Variants in CYLD observed in about 807,000 individuals in gnomAD.
CYLD encodes ubiquitin carboxyl-terminal hydrolase CYLD.
A neutral mutation model predicts 104.5 loss-of-function variants in CYLD; 26 were observed. The ratio of observed to expected loss-of-function variants is 0.25; its 90% CI spans 0.18 to 0.35. The LOEUF (loss-of-function observed/expected upper bound fraction) is 0.35. Ranked by LOEUF, CYLD falls within the 10% of genes least tolerant of loss-of-function variation. The pLI is 1.00. For missense variants in CYLD, 703 were observed against 1,136.1 expected (o/e 0.62, Z 5.48); for synonymous variants, 385 against 399.9 (o/e 0.96, Z 0.45).
chr16:50,781,872 T>C (rs1244523901), intron 10 of CYLD, among the ~76,000 whole-genome samples: 1 of 152,222 alleles, frequency 6.6e-6, no homozygotes, highest in Non-Finnish European at 1.5e-5. Context: ...GGCAGTTTCC[T>C]GGTGCTGTTC....
intron 5 of CYLD, among the ~76,000 whole-genome samples, chr16:50,769,668 A>G (rs1373198108): frequency 6.6e-6 from 1 of 152,198 alleles, no homozygotes; most frequent in African/African-American, 2.4e-5. Flanking sequence ...CAGCGGTAAC[A>G]TTAACATGTT....
intron 12 of CYLD, chr16:50,785,153 A>G (rs1007717097): frequency 6.6e-6 from 1 of 152,216 alleles, no homozygotes; most frequent in Non-Finnish European, 1.5e-5. Flanking sequence ...AATTTAAACT[A>G]TGAAGAATTA....
intron 11 of CYLD, 98 bp downstream of exon 11, chr16:50,782,564 A>G (rs1217731320): frequency 7.7e-7 from 1 of 1,291,216 alleles, no homozygotes; most frequent in Non-Finnish European, 1.1e-6. Context: ...GTGTGAAAGA[A>G]ACTGCCATCT....
At chr16:50,789,325 T>G (rs895222683) in intron 14 of CYLD, among the ~76,000 whole-genome samples, 3 of 152,222 alleles carry the variant, frequency 2.0e-5, no homozygotes, top group Non-Finnish European at 4.4e-5. Context: ...AATTTGGTTT[T>G]TCATTTTAAA....
chr16:50,751,055 T>C lies in CYLD; in HGVS notation c.505-549T>C, dbSNP rs142612944. On this transcript the variant is annotated intron_variant, in intron 3 of 18. Transcript: ENST00000427738. ...ATTGCATGTCTTCTTTGCTTCTTGA[T>C]TTAATTTTTTTTAAAAGCAGTGATT... 3.8e-3 allele frequency among the ~76,000 whole-genome samples: 586 copies of C among 152,330 alleles called. 1 individual carries two copies. The highest frequency in any genetic ancestry group is 5.7e-3 in the Non-Finnish European group (388 of 68,016).
chr16:50,793,990 C>A (rs938738458), intron 17 of CYLD, among the ~76,000 whole-genome samples: 30 of 149,052 alleles, frequency 2.0e-4, no homozygotes, highest in African/African-American at 7.5e-4. Context: ...TGCAGTGGCA[C>A]GATCTCGGCC....
In CYLD at chr16:50,797,465, C is replaced by G; in HGVS notation, c.*957C>G. The G allele has an allele frequency of 4.3e-6, 1 of 232,410 alleles. No individual in the cohort carries two copies. Among genetic ancestry groups the G allele is most frequent in the Non-Finnish European group, 8.5e-6 (1 of 117,468 alleles). 14.4% of individuals were successfully genotyped at this position (232,410 alleles called of 1,614,324 possible). On this transcript the variant is annotated 3_prime_UTR_variant, in exon 19 of 19. Coordinates refer to ENST00000427738, the MANE Select transcript of CYLD (RefSeq NM_001378743.1). The stretch of plus-strand genomic sequence containing the variant: ...TAAGTTTGATCTGTCAGCCAGTACT[C>G]CCATTAAATTCAGTGTAGTTTCACT...
chr16:50,751,946 ATTAGTT>A, intron 4 of CYLD, 40 bp downstream of exon 4: 2 of 911,942 alleles, frequency 2.2e-6, no homozygotes, highest in South Asian at 1.8e-5. Flanking sequence ...TGATATATAT[ATTAGTT>A]TATATATATA....
At chr16:50,786,309 T>A (rs1359081263) in intron 12 of CYLD, 1 of 152,278 alleles carries the variant, frequency 6.6e-6, no homozygotes, top group Non-Finnish European at 1.5e-5. Flanking sequence ...AAATTTTTTA[T>A]CTTAGTGTAT....
At position 50,786,761 on chromosome 16, in the gene CYLD, C is replaced by CA. The variant is rs369024987; in HGVS notation, c.1950-82dup. The CA allele has an allele frequency of 0.079, 56,768 of 721,998 alleles. 1,299 individuals are homozygous for CA. The highest frequency in any genetic ancestry group is 0.3 in the African/African-American group (13,838 of 46,418). The allele number at this position is 721,998 out of a possible 1,614,324, so 44.7% of individuals were successfully genotyped here. ...TGAGTGATAGAGTGAGACTCTATCT[C>CA]AAAAAAAAAAAAGAAAAAAAGAAAT... is the stretch of plus-strand genomic sequence containing the variant. On this transcript the variant is annotated intron_variant, in intron 12 of 18. Transcript: ENST00000427738.
rs371330250 is a variant in CYLD at position 50,793,629 on chromosome 16, A to G, written c.2434A>G (p.Lys812Glu). 8 of 1,614,020 alleles carry G rather than the reference A, an allele frequency of 5.0e-6. No homozygotes were observed. In the African/African-American group the frequency reaches 9.3e-5, roughly 19 times the overall value. Residue 812 changes from lysine (K) to glutamate (E), a missense_variant, in exon 17 of 19, where the codon AAA becomes GAA. Around this residue, in one of 5 missense-constraint regions of CYLD, gnomAD observed 130 missense variants for 220.2 expected, o/e 0.59. Transcript: ENST00000427738. ...CGACGATCCGGACATCTCAGCTGGA[A>G]AAATCAAGCAGTTTTGTAAAACCTG... ...CYDDPDISAG[K>E]IKQFCKTCNT...
At chr16:50,786,121 T>G (rs754006139) in intron 12 of CYLD, 18 of 152,256 alleles carry the variant, frequency 1.2e-4, no homozygotes, top group Non-Finnish European at 2.5e-4. Flanking sequence ...TTGGTTTGAT[T>G]GCAGATTTTA....
intron 5 of CYLD, among the ~76,000 whole-genome samples, chr16:50,758,716 C>T (rs1018604931): frequency 1.3e-5 from 2 of 151,954 alleles, no homozygotes; most frequent in South Asian, 4.2e-4. Flanking sequence ...AGGATGATTC[C>T]AAGGTTTGGA....
At chr16:50,773,733 T>C (rs1026145954) in intron 5 of CYLD, among the ~76,000 whole-genome samples, 7 of 152,184 alleles carry the variant, frequency 4.6e-5, no homozygotes, top group African/African-American at 1.7e-4. Flanking sequence ...AAGCTTTGCT[T>C]CATGACCCAA....
At chr16:50,766,261 T>G (rs1480847929) in intron 5 of CYLD, among the ~76,000 whole-genome samples, 1 of 152,228 alleles carries the variant, frequency 6.6e-6, no homozygotes, top group Non-Finnish European at 1.5e-5. Context: ...ACTCTGCCTG[T>G]GCTCTATAAA....
intron 5 of CYLD, among the ~76,000 whole-genome samples, chr16:50,755,162 CGTGTACATAT>C (rs1967043917): frequency 2.0e-5 from 1 of 48,954 alleles, no homozygotes; most frequent in African/African-American, 1.2e-4. Context: ...TATATACACA[CGTGTACATAT>C]GTGTGTGTAT....
intron 14 of CYLD, among the ~76,000 whole-genome samples, chr16:50,790,990 T>G (rs1469957715): frequency 6.6e-6 from 1 of 152,178 alleles, no homozygotes; most frequent in Non-Finnish European, 1.5e-5. Context: ...TGAGTGACTA[T>G]CAGACAGCAT....
chr16:50,774,570 CTG>C (rs1216720146), intron 5 of CYLD, among the ~76,000 whole-genome samples: 6 of 152,310 alleles, frequency 3.9e-5, no homozygotes, highest in Admixed American at 3.9e-4. Flanking sequence ...AATGTAAGCA[CTG>C]TGATACTGCA....
intron 13 of CYLD, 129 bp from the exon 14 acceptor site, chr16:50,787,657 G>T: frequency 1.7e-6 from 1 of 591,224 alleles, no homozygotes; most frequent in Non-Finnish European, 3.0e-6. Flanking sequence ...TGAAAACTGT[G>T]CTTTTAATTG....
Sources: gnomAD v4.1 joint callset for allele counts (sites outside exome capture counted in the v4.1 genomes callset) on GRCh38, gnomAD v4.1.1 for gene constraint, gnomAD v4.1.1 regional missense constraint, MANE v1.5 for transcripts, NCBI Gene and HGNC (gene_info 2026-07-23, HGNC 2026-07-21) for gene names.